Variants in PLEKHM3 observed in about 807,000 individuals in gnomAD.
The protein encoded by PLEKHM3 is pleckstrin homology domain containing M3.
A neutral mutation model predicts 81.8 loss-of-function variants in PLEKHM3; 45 were observed. That is an observed-to-expected ratio of 0.55 (90% confidence interval 0.43 to 0.71). The LOEUF is 0.71. PLEKHM3 is among the 30% of genes least tolerant of loss of function. The probability of loss-of-function intolerance (pLI) is 0.00; values close to 1 mark genes in which losing one functional copy is unlikely to be tolerated. For synonymous variants in PLEKHM3, 352 were observed against 356.4 expected (o/e 0.99, Z 0.14); for missense variants, 788 against 924.3 (o/e 0.85, Z 1.91).
intron 3 of PLEKHM3, among the ~76,000 whole-genome samples, chr2:207,950,323 G>A (rs1486227984): frequency 1.3e-5 from 2 of 152,208 alleles, no homozygotes; most frequent in Non-Finnish European, 2.9e-5. Flanking sequence ...CTAAAGGCAG[G>A]AAGCCTGAGT....
intron 1 of PLEKHM3, among the ~76,000 whole-genome samples, chr2:208,018,395 G>GAAAAAA (rs75422528): frequency 1.6e-5 from 2 of 125,950 alleles, no homozygotes; most frequent in East Asian, 2.3e-4. Context: ...GAAAAGAAAA[G>GAAAAAA]AAAAAAAAAA....
intron 7 of PLEKHM3, among the ~76,000 whole-genome samples, chr2:207,847,919 C>CT (rs1410904804): frequency 6.6e-6 from 1 of 152,196 alleles, no homozygotes; most frequent in Non-Finnish European, 1.5e-5. Flanking sequence ...CTGTTGTTCT[C>CT]TATTGTTGAA....
At chr2:207,967,922 C>T (rs1446350415) in intron 3 of PLEKHM3, among the ~76,000 whole-genome samples, 2 of 152,068 alleles carry the variant, frequency 1.3e-5, no homozygotes, top group Non-Finnish European at 2.9e-5. Context: ...AGAATCCTTG[C>T]TCTTAATTAC....
In PLEKHM3 at chr2:207,824,734, C is replaced by T. The variant is rs186190756; in HGVS notation, c.*3585G>A. ...AGAGACAAAAACAGAGGCCAGGCTC[C>T]GTCAGAGGACACACTCTAGCTGAGC... On this transcript the variant is annotated 3_prime_UTR_variant, in exon 8 of 8. Coordinates refer to ENST00000427836, the MANE Select transcript of PLEKHM3 (RefSeq NM_001080475.3). The T allele has an allele frequency of 6.6e-6, 1 of 152,342 alleles. No homozygotes were observed. Among genetic ancestry groups the T allele is most frequent in the Admixed American group, 6.5e-5 (1 of 15,304 alleles). The allele number at this position is 152,342 out of a possible 1,614,324, so 9.4% of individuals were successfully genotyped here.
chr2:207,863,551 G>A (rs2105816020), intron 6 of PLEKHM3, among the ~76,000 whole-genome samples: 1 of 152,342 alleles, frequency 6.6e-6, no homozygotes, highest in South Asian at 2.1e-4. Context: ...TGCCACTAAG[G>A]CACTAGCTTC....
chr2:207,860,471 G>A (rs997756874), intron 7 of PLEKHM3, among the ~76,000 whole-genome samples: 2 of 152,086 alleles, frequency 1.3e-5, no homozygotes, highest in Admixed American at 6.6e-5. Context: ...CACACATACC[G>A]TGTAGATTTC....
chr2:207,887,554 T>C (rs1224288333), intron 6 of PLEKHM3, among the ~76,000 whole-genome samples: 3 of 152,208 alleles, frequency 2.0e-5, no homozygotes, highest in Middle Eastern at 3.2e-3. Context: ...ATTGTCAGAG[T>C]GGCAACACAT....
chr2:207,991,227 C>T (rs535685754), intron 2 of PLEKHM3, among the ~76,000 whole-genome samples: 2 of 152,284 alleles, frequency 1.3e-5, no homozygotes, highest in East Asian at 1.9e-4. Flanking sequence ...TATATCTAAT[C>T]TATAGGAATT....
chr2:207,999,956 C>A (rs1692241739), intron 2 of PLEKHM3, among the ~76,000 whole-genome samples: 1 of 152,140 alleles, frequency 6.6e-6, no homozygotes. Flanking sequence ...TGAGTAGAAG[C>A]CATCTACATT....
Position 207,865,801 on chromosome 2 carries a change from A to AAAAAAAAAAAAAAAAATATATATATAT in PLEKHM3, c.1951-4540_1951-4539insATATATATATATTTTTTTTTTTTTTTT. Among the ~76,000 whole-genome samples, 3 of 25,290 alleles carry AAAAAAAAAAAAAAAAATATATATATAT rather than the reference A, an allele frequency of 1.2e-4. 1 individual carries two copies. The highest frequency in any genetic ancestry group is 2.3e-4 in the Non-Finnish European group (3 of 13,198). The allele number at this position is 25,290 out of a possible 152,430, so 16.6% of individuals were successfully genotyped here. Reference sequence around the variant, plus strand: ...CGACTCAAAAAAAAAAAAAAAAAAAAAGATATATATATATATATATATATA... The same window carrying AAAAAAAAAAAAAAAAATATATATATAT: ...CGACTCAAAAAAAAAAAAAAAAAAAAAAAAAAAAAAAAAAAATATATATATATAGATATATATATATATATATATATA... On this transcript the variant is annotated intron_variant, in intron 6 of 7. Coordinates refer to ENST00000427836, the MANE Select transcript of PLEKHM3 (RefSeq NM_001080475.3).
intron 5 of PLEKHM3, among the ~76,000 whole-genome samples, chr2:207,919,189 G>A (rs541052465): frequency 3.9e-5 from 6 of 152,274 alleles, no homozygotes; most frequent in Admixed American, 2.6e-4. Context: ...AGCAGTTACA[G>A]AGGGAAAGGA....
At chr2:207,847,584 A>G (rs2092390977) in intron 7 of PLEKHM3, among the ~76,000 whole-genome samples, 1 of 152,146 alleles carries the variant, frequency 6.6e-6, no homozygotes, top group Non-Finnish European at 1.5e-5. Flanking sequence ...AGTCCCTTCT[A>G]TCTCTATTAG....
At chr2:207,920,506 G>A (rs1348095632) in intron 5 of PLEKHM3, among the ~76,000 whole-genome samples, 1 of 152,226 alleles carries the variant, frequency 6.6e-6, no homozygotes, top group South Asian at 2.1e-4. Flanking sequence ...CTTGAACTGG[G>A]ATTTCTGAAA....
intron 4 of PLEKHM3, among the ~76,000 whole-genome samples, chr2:207,940,718 G>A (rs968543745): frequency 2.0e-5 from 3 of 152,182 alleles, no homozygotes; most frequent in Non-Finnish European, 2.9e-5. Flanking sequence ...ACGAAGGAGA[G>A]AGCCAGCAAT....
intron 5 of PLEKHM3, among the ~76,000 whole-genome samples, chr2:207,928,648 T>C (rs1689487734): frequency 6.6e-6 from 1 of 152,374 alleles, no homozygotes; most frequent in South Asian, 2.1e-4. Flanking sequence ...ATATACTGGG[T>C]TAGACTTGGG....
At chr2:207,962,448 G>T (rs2106000585) in intron 3 of PLEKHM3, among the ~76,000 whole-genome samples, 1 of 152,280 alleles carries the variant, frequency 6.6e-6, no homozygotes, top group East Asian at 1.9e-4. Flanking sequence ...TCTTCATTTG[G>T]CTGTTCCTGG....
In PLEKHM3 at chr2:208,016,233, CT is replaced by C. The variant is rs537797512; in HGVS notation, c.-319+9155del. On this transcript the variant is annotated intron_variant, in intron 1 of 7. Coordinates refer to ENST00000427836, the MANE Select transcript of PLEKHM3 (RefSeq NM_001080475.3). ...ATAAATAAATAAAATAAACTGCCTC[CT>C]TCTAAAACTAACTTGACTTTTGTTG... 7.6e-4 allele frequency among the ~76,000 whole-genome samples: 116 copies of C among 152,166 alleles called. 1 individual carries two copies. Among genetic ancestry groups the C allele is most frequent in the African/African-American group, 2.4e-3 (101 of 41,546 alleles).
intron 6 of PLEKHM3, among the ~76,000 whole-genome samples, chr2:207,902,843 C>CCCAT (rs1688479989): frequency 8.4e-6 from 1 of 118,370 alleles, no homozygotes; most frequent in African/African-American, 3.9e-5. Context: ...CACCCACCCA[C>CCCAT]CCATCCACCC....
rs116440329 is a variant in PLEKHM3 at position 207,872,696 on chromosome 2, C to T, written c.1951-11434G>A. ...CTACTAAAATTACAAAAAAATTAGC[C>T]GAGGGTGGTGCTGCATGCTTGTAAT... On this transcript the variant is annotated intron_variant, in intron 6 of 7. Coordinates refer to ENST00000427836, the MANE Select transcript of PLEKHM3 (RefSeq NM_001080475.3). Among the ~76,000 whole-genome samples, 718 of 152,130 alleles carry T rather than the reference C, an allele frequency of 4.7e-3. 6 individuals carry two copies. Among genetic ancestry groups the T allele is most frequent in the African/African-American group, 0.016 (680 of 41,510 alleles).
Sources: allele counts gnomAD v4.1 joint callset (sites outside exome capture counted in the v4.1 genomes callset), GRCh38; gene constraint gnomAD v4.1.1; transcripts MANE v1.5; gene names NCBI Gene and HGNC (gene_info 2026-07-23, HGNC 2026-07-21).